Variants in PTPRD observed in about 807,000 individuals in gnomAD.
PTPRD encodes receptor-type tyrosine-protein phosphatase delta.
A neutral mutation model predicts 214.5 loss-of-function variants in PTPRD; 34 were observed. The ratio of observed to expected loss-of-function variants is 0.16; its 90% CI spans 0.12 to 0.21. PTPRD has a LOEUF of 0.21. Ranked by LOEUF, PTPRD falls within the 10% of genes least tolerant of loss-of-function variation. The probability of loss-of-function intolerance (pLI) is 1.00; values close to 1 mark genes in which losing one functional copy is unlikely to be tolerated. For missense variants in PTPRD, 2,545 were observed against 2,398.7 expected (o/e 1.06, Z -1.27); for synonymous variants, 1,128 against 845.7 (o/e 1.33, Z -5.79).
At chr9:9,098,361 A>C (rs1464741905) in intron 10 of PTPRD, among the ~76,000 whole-genome samples, 3 of 151,956 alleles carry the variant, frequency 2.0e-5, no homozygotes, top group Non-Finnish European at 4.4e-5. Context: ...GGTTCAAGTG[A>C]TTCTCCTGCC....
At chr9:10,476,523 T>C (rs1033816231) in intron 2 of PTPRD, among the ~76,000 whole-genome samples, 2 of 152,188 alleles carry the variant, frequency 1.3e-5, no homozygotes, top group African/African-American at 4.8e-5. Flanking sequence ...TCCATACTCA[T>C]GGGTAGGAAG....
intron 8 of PTPRD, among the ~76,000 whole-genome samples, chr9:9,541,361 T>A (rs2077548681): frequency 2.6e-5 from 4 of 151,716 alleles, no homozygotes; most frequent in African/African-American, 9.7e-5. Flanking sequence ...TGAAACACCA[T>A]GTGAATATAG....
chr9:10,487,027 G>C (rs1052972751), intron 2 of PTPRD, among the ~76,000 whole-genome samples: 5 of 152,162 alleles, frequency 3.3e-5, no homozygotes, highest in Non-Finnish European at 7.4e-5. Context: ...ATATCCTCTT[G>C]ATTAATTGAC....
rs324477 is a variant in PTPRD, at chr9:9,078,985, C to T, written c.-142-60250G>A. Among the ~76,000 whole-genome samples, 302 of 152,134 alleles carry T rather than the reference C, an allele frequency of 2.0e-3. 1 individual carries two copies. Among genetic ancestry groups the T allele is most frequent in the Non-Finnish European group, 2.7e-3 (185 of 67,960 alleles). On this transcript the variant is annotated intron_variant, in intron 10 of 45. Coordinates refer to ENST00000381196, the MANE Select transcript of PTPRD (RefSeq NM_002839.4). The stretch of plus-strand genomic sequence containing the variant: ...ATTAGCATAGCCATGTTTCAATACT[C>T]ATGATGTATAGTGATCAGATCAGGG...
At chr9:9,486,085 A>G (rs918835330) in intron 8 of PTPRD, among the ~76,000 whole-genome samples, 1 of 127,996 alleles carries the variant, frequency 7.8e-6, no homozygotes, top group African/African-American at 2.9e-5. Context: ...CAGGAGGTGG[A>G]TGTTGTGGTG....
chr9:9,570,365 C>A (rs550327754), intron 8 of PTPRD, among the ~76,000 whole-genome samples: 20 of 151,534 alleles, frequency 1.3e-4, no homozygotes, highest in South Asian at 4.1e-4. Flanking sequence ...TGTCGTTTAA[C>A]TTCATTTTTC....
chr9:10,231,054 A>G (rs779954651), intron 3 of PTPRD, among the ~76,000 whole-genome samples: 2 of 151,990 alleles, frequency 1.3e-5, no homozygotes, highest in African/African-American at 4.8e-5. Flanking sequence ...ACTGGTCAAA[A>G]GGAAGACACA....
chr9:8,666,453 A>G (rs1369443807), intron 12 of PTPRD, among the ~76,000 whole-genome samples: 2 of 152,238 alleles, frequency 1.3e-5, no homozygotes, highest in African/African-American at 4.8e-5. Flanking sequence ...TAAAAATGAA[A>G]GCCATAATCT....
At chr9:8,750,180 CAG>C (rs2093370129) in intron 11 of PTPRD, among the ~76,000 whole-genome samples, 1 of 151,970 alleles carries the variant, frequency 6.6e-6, no homozygotes, top group South Asian at 2.1e-4. Context: ...TTTTTTGAGA[CAG>C]AGTCTCATTC....
intron 10 of PTPRD, among the ~76,000 whole-genome samples, chr9:9,019,037 A>G (rs1160324900): frequency 6.6e-6 from 1 of 152,118 alleles, no homozygotes; most frequent in Non-Finnish European, 1.5e-5. Context: ...TAGAAAAGAA[A>G]TAACATACAG....
chr9:8,661,337 A>C (rs2097047332), intron 12 of PTPRD, among the ~76,000 whole-genome samples: 1 of 152,098 alleles, frequency 6.6e-6, no homozygotes, highest in African/African-American at 2.4e-5. Context: ...TCAAGTATTC[A>C]AAATCAGTCT....
chr9:9,664,903 C>T (rs1224579540), intron 7 of PTPRD, among the ~76,000 whole-genome samples: 1 of 151,672 alleles, frequency 6.6e-6, no homozygotes, highest in Admixed American at 6.6e-5. Context: ...CACAAAAGTT[C>T]TAATCACCAG....
intron 3 of PTPRD, among the ~76,000 whole-genome samples, chr9:10,150,741 A>C (rs1182568765): frequency 6.6e-6 from 1 of 152,070 alleles, no homozygotes; most frequent in African/African-American, 2.4e-5. Flanking sequence ...ATAAATCCTG[A>C]TACATCAGTG....
At chr9:9,353,963 T>C (rs1253124528) in intron 9 of PTPRD, among the ~76,000 whole-genome samples, 1 of 151,724 alleles carries the variant, frequency 6.6e-6, no homozygotes, top group African/African-American at 2.4e-5. Flanking sequence ...AACTTCTTTG[T>C]GATGGAATGA....
At chr9:9,213,919 T>C (rs1324015051) in intron 9 of PTPRD, among the ~76,000 whole-genome samples, 2 of 152,240 alleles carry the variant, frequency 1.3e-5, no homozygotes, top group South Asian at 4.1e-4. Flanking sequence ...TTTTTCTTGT[T>C]TGTACTTTTA....
intron 12 of PTPRD, among the ~76,000 whole-genome samples, chr9:8,707,618 T>C (rs2098237422): frequency 6.6e-6 from 1 of 152,216 alleles, no homozygotes; most frequent in South Asian, 2.1e-4. Flanking sequence ...AGTTCTAGTT[T>C]TTCCTTTCCA....
At chr9:9,489,092 G>A (rs2095789757) in intron 8 of PTPRD, among the ~76,000 whole-genome samples, 1 of 152,036 alleles carries the variant, frequency 6.6e-6, no homozygotes, top group East Asian at 1.9e-4. Flanking sequence ...TCTTTTAAAA[G>A]CCTTATGAAA....
At chr9:8,579,368 G>A (rs7041530) in intron 14 of PTPRD, among the ~76,000 whole-genome samples, 58,743 of 151,996 alleles carry the variant, frequency 0.39, 11,465 homozygotes, top group African/African-American at 0.46. Context: ...TATCCATGAA[G>A]TTTTAAAACT....
chr9:9,784,587 C>T (rs1028176024), intron 5 of PTPRD, among the ~76,000 whole-genome samples: 1 of 151,900 alleles, frequency 6.6e-6, no homozygotes, highest in African/African-American at 2.4e-5. Context: ...CATCAAGGTA[C>T]ATCTTATTTC....
Sources: gnomAD v4.1 joint callset for allele counts (sites outside exome capture counted in the v4.1 genomes callset) on GRCh38, gnomAD v4.1.1 for gene constraint, MANE v1.5 for transcripts, NCBI Gene and HGNC (gene_info 2026-07-23, HGNC 2026-07-21) for gene names.